Variants in UNC5B observed in about 807,000 individuals in gnomAD.
The protein encoded by UNC5B is netrin receptor UNC5B.
Under a neutral mutation model 103.7 loss-of-function variants are expected in UNC5B, and 56 were observed. The observed-to-expected ratio is 0.54, with a 90% CI of 0.44 to 0.67. The LOEUF (loss-of-function observed/expected upper bound fraction) is 0.67. Among genes scored for constraint, UNC5B ranks in the 30% least tolerant of loss-of-function variants. UNC5B has a pLI of 0.00. For synonymous variants in UNC5B, 577 were observed against 542.0 expected, an observed-to-expected ratio of 1.06 and a Z score of -0.90; for missense variants, 1,194 against 1,284.5, an observed-to-expected ratio of 0.93 and a Z score of 1.08.
intron 1 of UNC5B, among the ~76,000 whole-genome samples, chr10:71,224,415 A>ACACGCG (rs1354437814): frequency 6.7e-6 from 1 of 149,454 alleles, no homozygotes; most frequent in African/African-American, 2.5e-5. Flanking sequence ...ACACACACAC[A>ACACGCG]CGAAATGACA....
intron 8 of UNC5B, 58 bp from the exon 9 acceptor site, chr10:71,290,857 C>G: frequency 6.5e-7 from 1 of 1,537,276 alleles, no homozygotes; most frequent in Non-Finnish European, 8.7e-7. Context: ...CAGGGCCTCC[C>G]TGATTGCCCC....
intron 1 of UNC5B, among the ~76,000 whole-genome samples, chr10:71,269,794 G>C (rs1264748304): frequency 2.6e-5 from 4 of 150,954 alleles, no homozygotes; most frequent in Non-Finnish European, 5.9e-5. Context: ...AGCCTGCCAA[G>C]AGAAAAAAAA....
chr10:71,256,770 G>A (rs1844300141), intron 1 of UNC5B, among the ~76,000 whole-genome samples: 1 of 152,246 alleles, frequency 6.6e-6, no homozygotes, highest in Non-Finnish European at 1.5e-5. Context: ...GAACATCCAA[G>A]CTTCTCACCT....
intron 2 of UNC5B, among the ~76,000 whole-genome samples, chr10:71,283,115 G>T (rs543697285): frequency 7.1e-6 from 1 of 140,352 alleles, no homozygotes; most frequent in African/African-American, 2.9e-5. Context: ...GCGAGACTCC[G>T]TCTCAAAAAA....
intron 1 of UNC5B, among the ~76,000 whole-genome samples, chr10:71,266,613 C>T (rs1052870875): frequency 6.6e-6 from 1 of 152,230 alleles, no homozygotes; most frequent in Non-Finnish European, 1.5e-5. Flanking sequence ...TTTTGCAGCT[C>T]TGTGTCATCA....
intron 1 of UNC5B, among the ~76,000 whole-genome samples, chr10:71,264,264 T>C (rs993046489): frequency 1.3e-5 from 2 of 152,240 alleles, no homozygotes; most frequent in Admixed American, 6.5e-5. Flanking sequence ...AAGATATAGG[T>C]ATTAGCAATG....
chr10:71,248,865 TCTCACACACA>T lies in UNC5B; in HGVS notation c.80-30954_80-30945del, dbSNP rs1478039182. Among the ~76,000 whole-genome samples, 931 of 143,160 alleles carry T rather than the reference TCTCACACACA, an allele frequency of 6.5e-3. 10 individuals carry two copies. Among genetic ancestry groups the T allele is most frequent in the African/African-American group, 0.02 (765 of 37,554 alleles). The allele number at this position is 143,160 out of a possible 152,430, so 93.9% of individuals were successfully genotyped here. On this transcript the variant is annotated intron_variant, in intron 1 of 16. Coordinates refer to ENST00000335350, the MANE Select transcript of UNC5B (RefSeq NM_170744.5). ...CTCTCTCTGTCTCTCTCTCTCTCTCTCTCACACACACACACACACACACACACACACACTC... is the reference window on the plus strand; with the variant it reads ...CTCTCTCTGTCTCTCTCTCTCTCTCTCACACACACACACACACACACACTC...
Position 71,290,911 on chromosome 10 carries a change from G to T in UNC5B, c.1100-4G>T. 10 of 1,609,400 alleles carry T rather than the reference G, an allele frequency of 6.2e-6. No individual in the cohort carries two copies. The highest frequency in any genetic ancestry group is 7.6e-6 in the Non-Finnish European group (9 of 1,178,530). Reference sequence around the variant, plus strand: ...CCCCTTATGTGGTCCTCCTGTCCCCGCAGTGCTGGAGGCCTCAGGGGATGC... The same window carrying T: ...CCCCTTATGTGGTCCTCCTGTCCCCTCAGTGCTGGAGGCCTCAGGGGATGC... On this transcript the variant is annotated splice_region_variant and splice_polypyrimidine_tract_variant and intron_variant, in intron 8 of 16. Coordinates refer to ENST00000335350, the MANE Select transcript of UNC5B (RefSeq NM_170744.5).
At chr10:71,278,457 C>G (rs1844826594) in intron 1 of UNC5B, among the ~76,000 whole-genome samples, 1 of 152,216 alleles carries the variant, frequency 6.6e-6, no homozygotes, top group Non-Finnish European at 1.5e-5. Context: ...TACCCCACCC[C>G]CACCGCCCGT....
Position 71,212,793 on chromosome 10 carries a change from C to T in UNC5B, c.-193C>T. The T allele has an allele frequency of 2.6e-6, 1 of 381,134 alleles. No individual in the cohort carries two copies. The highest frequency in any genetic ancestry group is 4.6e-6 in the Non-Finnish European group (1 of 219,184). 23.6% of individuals were successfully genotyped at this position (381,134 alleles called of 1,614,324 possible). A position where few individuals can be genotyped will look rare whatever the true frequency, so the allele number is the denominator to read the frequency against. On this transcript the variant is annotated 5_prime_UTR_variant, in exon 1 of 17. Transcript: ENST00000335350. ...CGTTCGAGAGCCGGCGCCAGGCACC[C>T]ACCGCGCTCCGAGTGCCAGGCGGCC...
At chr10:71,248,014 T>C (rs918639921) in intron 1 of UNC5B, among the ~76,000 whole-genome samples, 3 of 152,122 alleles carry the variant, frequency 2.0e-5, no homozygotes, top group African/African-American at 7.2e-5. Flanking sequence ...GTATAATGGG[T>C]AGGAGTGGAC....
At chr10:71,254,741 T>C (rs139359323) in intron 1 of UNC5B, among the ~76,000 whole-genome samples, 1 of 152,318 alleles carries the variant, frequency 6.6e-6, no homozygotes, top group African/African-American at 2.4e-5. Flanking sequence ...CAGGCCCCCA[T>C]AGGTTCCAGC....
At chr10:71,295,548 C>A (rs532225080) in intron 13 of UNC5B, among the ~76,000 whole-genome samples, 6 of 152,160 alleles carry the variant, frequency 3.9e-5, no homozygotes, top group Non-Finnish European at 8.8e-5. Context: ...GCCATCAATC[C>A]GTTTATCCAT....
intron 1 of UNC5B, among the ~76,000 whole-genome samples, chr10:71,252,433 G>T (rs79103090): frequency 1.3e-5 from 2 of 152,318 alleles, no homozygotes; most frequent in Non-Finnish European, 2.9e-5. Context: ...CTGTGAGAGC[G>T]CTTTCAAATC....
In UNC5B at chr10:71,293,809, G is replaced by GCGAGT; in HGVS notation, c.2053_2057dup (p.Tyr687SerfsTer38). On this transcript the variant is annotated frameshift_variant, in exon 13 of 17. Transcript: ENST00000335350. LOFTEE classifies it high-confidence loss of function. Reference sequence around the variant, plus strand: ...CAGCTGGGCACCTACGTGTTCACGGGCGAGTCCTATTCCCGCTCAGCAGTC... The same window carrying GCGAGT: ...CAGCTGGGCACCTACGTGTTCACGGGCGAGTCGAGTCCTATTCCCGCTCAGCAGTC... 6.2e-7 allele frequency: 1 copy of GCGAGT among 1,609,896 alleles called. No homozygotes were observed. The highest frequency in any genetic ancestry group is 8.5e-7 in the Non-Finnish European group (1 of 1,178,458).
At chr10:71,225,451 C>T (rs76275969) in intron 1 of UNC5B, among the ~76,000 whole-genome samples, 4,282 of 152,286 alleles carry the variant, frequency 0.028, 92 homozygotes, top group East Asian at 0.057. Flanking sequence ...AGCCACTTCT[C>T]ATCCATCTTT....
chr10:71,258,990 G>A lies in UNC5B; in HGVS notation c.80-20831G>A, dbSNP rs557327275. ...GGGCAGGCAGCCCGTGTGAGGCCAC[G>A]TGAGCCCAATGTCACCAGGGTCCCA... On this transcript the variant is annotated intron_variant, in intron 1 of 16. Transcript: ENST00000335350. Among the ~76,000 whole-genome samples the A allele has an allele frequency of 1.6e-3, 240 of 152,360 alleles. 1 individual carries two copies. The highest frequency in any genetic ancestry group is 7.3e-3 in the South Asian group (35 of 4,824).
rs1342634811 is a variant in UNC5B, at chr10:71,299,596, A to AC, written c.*326dup. The AC allele has an allele frequency of 1.6e-4, 41 of 262,926 alleles. No individual in the cohort carries two copies. The highest frequency in any genetic ancestry group is 3.8e-4 in the African/African-American group (17 of 45,186). 16.3% of individuals were successfully genotyped at this position (262,926 alleles called of 1,614,324 possible). A position where few individuals can be genotyped will look rare whatever the true frequency, so the allele number is the denominator to read the frequency against. On this transcript the variant is annotated 3_prime_UTR_variant, in exon 17 of 17. Transcript: ENST00000335350. ...CGGGCAGGCAGGAGGCCCTCCCTCC[A>AC]CCCCCCCACCCTCAGCCCGGCAACT...
intron 1 of UNC5B, among the ~76,000 whole-genome samples, chr10:71,266,348 T>G (rs1844523055): frequency 6.6e-6 from 1 of 152,058 alleles, no homozygotes; most frequent in Non-Finnish European, 1.5e-5. Context: ...CGCTTCCTGG[T>G]GCCCCTCCTG....
Sources: gnomAD v4.1 joint callset for allele counts (sites outside exome capture counted in the v4.1 genomes callset) on GRCh38, gnomAD v4.1.1 for gene constraint, MANE v1.5 for transcripts, NCBI Gene and HGNC (gene_info 2026-07-23, HGNC 2026-07-21) for gene names.